Variants in KIF26B observed in about 807,000 individuals in gnomAD.
KIF26B encodes the protein kinesin family member 26B.
Under a neutral mutation model 151.2 loss-of-function variants are expected in KIF26B, and 63 were observed. The observed-to-expected ratio is 0.42, with a 90% confidence interval of 0.34 to 0.51. KIF26B has a LOEUF of 0.51. Among genes scored for constraint, KIF26B ranks in the 20% least tolerant of loss-of-function variants. The probability of loss-of-function intolerance (pLI) is 0.07; values close to 1 mark genes in which losing one functional copy is unlikely to be tolerated. For synonymous variants in KIF26B, 1,357 were observed against 1,262.1 expected (o/e 1.08, Z -1.59); for missense variants, 2,813 against 2,913.6 (o/e 0.97, Z 0.79).
At chr1:245,428,087 G>C (rs1658690525) in intron 4 of KIF26B, among the ~76,000 whole-genome samples, 1 of 152,156 alleles carries the variant, frequency 6.6e-6, no homozygotes. Flanking sequence ...TCCTTCACTG[G>C]TGGCCAAGCA....
intron 2 of KIF26B, among the ~76,000 whole-genome samples, chr1:245,257,735 G>A (rs1377141040): frequency 6.6e-6 from 1 of 152,080 alleles, no homozygotes; most frequent in Admixed American, 6.6e-5. Flanking sequence ...CAAGAAAGTT[G>A]GTCAGGCCGG....
rs990230961 is a variant in KIF26B at position 245,239,408 on chromosome 1, A to C, written c.465+82725A>C. Among the ~76,000 whole-genome samples the C allele has an allele frequency of 1.3e-5, 2 of 152,246 alleles. No individual in the cohort carries two copies. The highest frequency in any genetic ancestry group is 4.8e-5 in the African/African-American group (2 of 41,470). On this transcript the variant is annotated intron_variant, in intron 2 of 14. Coordinates refer to ENST00000407071, the MANE Select transcript of KIF26B (RefSeq NM_018012.4). This position sits in a 1 kb window ranked among gnomAD's most constrained non-coding sequence, Gnocchi z 4.3. ...AGAAAGCGAATTCTTTCTTTGCATCAATTTTTATCAAAAACTTAATGCCAT... is the reference window on the plus strand; with the variant it reads ...AGAAAGCGAATTCTTTCTTTGCATCCATTTTTATCAAAAACTTAATGCCAT...
intron 2 of KIF26B, among the ~76,000 whole-genome samples, chr1:245,344,245 TCTC>T (rs1190500261): frequency 1.3e-5 from 2 of 151,906 alleles, no homozygotes; most frequent in African/African-American, 4.8e-5. Context: ...TTCCTCCCTC[TCTC>T]CTTTCTTTAT....
chr1:245,407,977 T>C (rs1014147837), intron 3 of KIF26B, among the ~76,000 whole-genome samples: 3 of 152,078 alleles, frequency 2.0e-5, no homozygotes, highest in African/African-American at 7.2e-5. Context: ...GAACAAGTGG[T>C]CAAGACATGC....
chr1:245,660,716 A>G (rs1316564666), intron 10 of KIF26B, among the ~76,000 whole-genome samples: 1 of 152,110 alleles, frequency 6.6e-6, no homozygotes, highest in Admixed American at 6.5e-5. Context: ...TTCTGTAAGC[A>G]CCTACGTTGC....
chr1:245,512,553 GC>G lies in KIF26B; in HGVS notation c.1167-28213del, dbSNP rs749729662. Reference sequence around the variant, plus strand: ...TAATTGGGGTTTAACATCATCAAGGGCTGTAGCACTGGGCACCCGAGGGGAT... The same window carrying G: ...TAATTGGGGTTTAACATCATCAAGGGTGTAGCACTGGGCACCCGAGGGGAT... On this transcript the variant is annotated intron_variant, in intron 4 of 14. Transcript: ENST00000407071. This position sits in a 1 kb window ranked among gnomAD's most constrained non-coding sequence, Gnocchi z 4.3. Among the ~76,000 whole-genome samples, 6 of 152,224 alleles carry G rather than the reference GC, an allele frequency of 3.9e-5. No individual in the cohort carries two copies. The highest frequency in any genetic ancestry group is 8.8e-5 in the Non-Finnish European group (6 of 68,032).
rs145035114 is a variant in KIF26B at position 245,287,051 on chromosome 1, G to A, written c.466-79783G>A. ...TTGAACCCAGGAGGTGGAGGTTGCA[G>A]TGAGCCGAGATCTTGCCACTGCACT... On this transcript the variant is annotated intron_variant, in intron 2 of 14. Coordinates refer to ENST00000407071, the MANE Select transcript of KIF26B (RefSeq NM_018012.4). Among the ~76,000 whole-genome samples the A allele has an allele frequency of 2.5e-3, 383 of 152,236 alleles. 6 individuals carry two copies. In the East Asian group the frequency reaches 0.049, roughly 20 times the overall value.
At chr1:245,417,994 T>C (rs1202054896) in intron 3 of KIF26B, among the ~76,000 whole-genome samples, 1 of 151,934 alleles carries the variant, frequency 6.6e-6, no homozygotes, top group African/African-American at 2.4e-5. Context: ...AAAAAAAAGT[T>C]GTCGCATGAA....
At chr1:245,594,074 T>C (rs1165401604) in intron 5 of KIF26B, among the ~76,000 whole-genome samples, 1 of 152,240 alleles carries the variant, frequency 6.6e-6, no homozygotes, top group Non-Finnish European at 1.5e-5. Context: ...ATTAGCCCTA[T>C]GTCAGATGAA....
chr1:245,220,240 A>G (rs1326100297), intron 2 of KIF26B, among the ~76,000 whole-genome samples: 1 of 152,218 alleles, frequency 6.6e-6, no homozygotes, highest in Admixed American at 6.5e-5. Flanking sequence ...GATAGTAACA[A>G]TAATCACCGA....
chr1:245,345,123 C>T (rs1672420771), intron 2 of KIF26B, among the ~76,000 whole-genome samples: 1 of 152,164 alleles, frequency 6.6e-6, no homozygotes, highest in Middle Eastern at 3.2e-3. Context: ...ACCATTGACT[C>T]ATATTTGAAT....
Position 245,229,224 on chromosome 1 carries a change from G to A in KIF26B, c.465+72541G>A, listed in dbSNP as rs6667277. 7.0e-3 allele frequency among the ~76,000 whole-genome samples: 1,062 copies of A among 152,094 alleles called. 14 individuals carry two copies. Among genetic ancestry groups the A allele is most frequent in the African/African-American group, 0.024 (994 of 41,486 alleles). Reference sequence around the variant, plus strand: ...TGACCTCATGTGATCCACCCACTTCGGTCTCCCAAAGTGCTGGGATTACAA... The same window carrying A: ...TGACCTCATGTGATCCACCCACTTCAGTCTCCCAAAGTGCTGGGATTACAA... On this transcript the variant is annotated intron_variant, in intron 2 of 14. Transcript: ENST00000407071.
intron 2 of KIF26B, among the ~76,000 whole-genome samples, chr1:245,361,128 A>G (rs1486692880): frequency 6.6e-6 from 1 of 152,184 alleles, no homozygotes; most frequent in African/African-American, 2.4e-5. Context: ...TTTGACGTGG[A>G]AAAGTCTTTA....
intron 5 of KIF26B, among the ~76,000 whole-genome samples, chr1:245,583,501 TG>T (rs1427323674): frequency 2.0e-5 from 3 of 152,196 alleles, no homozygotes; most frequent in Admixed American, 1.3e-4. Context: ...CTTGACCTGC[TG>T]GGGGAAATTC....
In KIF26B at chr1:245,541,490, C is replaced by T. The variant is rs182229317; in HGVS notation, c.1350+540C>T. Among the ~76,000 whole-genome samples the T allele has an allele frequency of 1.7e-4, 26 of 152,328 alleles. No homozygotes were observed. The East Asian group carries it at 5.0e-3, about 29-fold the overall frequency. On this transcript the variant is annotated intron_variant, in intron 5 of 14. Transcript: ENST00000407071. ...AGGAAGAGATGTAGGATCGTGCTTA[C>T]AAGCTGTTGCTCAGCTACACTTGGG... is the stretch of plus-strand genomic sequence containing the variant.
chr1:245,685,085 A>G (rs375718516), intron 11 of KIF26B, among the ~76,000 whole-genome samples: 1 of 152,232 alleles, frequency 6.6e-6, no homozygotes, highest in African/African-American at 2.4e-5. Context: ...TTTCTTAACC[A>G]GAGTTCCACG....
intron 2 of KIF26B, among the ~76,000 whole-genome samples, chr1:245,338,694 T>C (rs1053029979): frequency 1.3e-5 from 2 of 152,206 alleles, no homozygotes; most frequent in South Asian, 2.1e-4. Context: ...TTCAGTCAGC[T>C]GATGGCATGG....
At chr1:245,569,861 C>CT (rs59682583) in intron 5 of KIF26B, among the ~76,000 whole-genome samples, 143 of 116,922 alleles carry the variant, frequency 1.2e-3, no homozygotes, top group Non-Finnish European at 1.9e-3. Flanking sequence ...TTTGGGCCTT[C>CT]TTTTTTTTTT....
rs771220199 is a variant in KIF26B, at chr1:245,686,077, C to T, written c.3094C>T (p.His1032Tyr). 6 of 1,600,970 alleles carry T rather than the reference C, an allele frequency of 3.7e-6. No homozygotes were observed. The highest frequency in any genetic ancestry group is 5.1e-6 in the Non-Finnish European group (6 of 1,174,454). The change falls in exon 12 of 15, where the codon CAC becomes TAC. Residue 1032 changes from histidine (H) to tyrosine (Y), a missense_variant. His to Tyr is a moderately conservative substitution (Grantham distance 83, BLOSUM62 2). Coordinates refer to ENST00000407071, the MANE Select transcript of KIF26B (RefSeq NM_018012.4). The surrounding 1 kb of genome is among the most constrained non-coding windows in gnomAD (Gnocchi z 5.6). ...GAGCGTCCCGGGCAGCAGTAGCCAG[C>T]ACAGCGCCTCCCCACTCGTGCAGAG... ...PRSVPGSSSQ[H>Y]SASPLVQSPS...
Sources: allele counts gnomAD v4.1 joint callset (sites outside exome capture counted in the v4.1 genomes callset), GRCh38; gene constraint gnomAD v4.1.1; non-coding constraint Gnocchi (gnomAD v3.1); transcripts MANE v1.5; gene names NCBI Gene and HGNC (gene_info 2026-07-23, HGNC 2026-07-21).